PHF20: variants seen among roughly 807,000 people sequenced by gnomAD.
The protein encoded by PHF20 is glioma-expressed antigen 2.
In PHF20, 23 loss-of-function variants were observed where a neutral mutation model predicts 113.5. That is an observed-to-expected ratio of 0.20 (90% CI 0.15 to 0.29). The LOEUF is 0.29. Ranked by LOEUF, PHF20 falls within the 10% of genes least tolerant of loss-of-function variation. The pLI is 1.00. For synonymous variants in PHF20, 434 were observed against 457.3 expected, an observed-to-expected ratio of 0.95 and a Z score of 0.65; for missense variants, 943 against 1,219.6, an observed-to-expected ratio of 0.77 and a Z score of 3.38.
At chr20:35,937,592 A>T (rs1033923786) in intron 15 of PHF20, among the ~76,000 whole-genome samples, 1 of 152,162 alleles carries the variant, frequency 6.6e-6, no homozygotes, top group Non-Finnish European at 1.5e-5. Context: ...TAGATTGTAA[A>T]TGTTTCTTAT....
At chr20:35,897,911 T>G (rs2055019188) in intron 9 of PHF20, among the ~76,000 whole-genome samples, 1 of 151,648 alleles carries the variant, frequency 6.6e-6, no homozygotes, top group African/African-American at 2.4e-5. Flanking sequence ...AGTCTTGCTC[T>G]GTCACCCAGG....
At chr20:35,887,096 G>T (rs2054748260) in intron 9 of PHF20, among the ~76,000 whole-genome samples, 1 of 152,062 alleles carries the variant, frequency 6.6e-6, no homozygotes. Context: ...TATTAAATAG[G>T]ATATTTATTT....
Position 35,950,158 on chromosome 20 carries a change from C to T in PHF20, c.*2531C>T, listed in dbSNP as rs2056155292. 1 of 152,588 alleles carries T rather than the reference C, an allele frequency of 6.6e-6. No individual in the cohort carries two copies. Among genetic ancestry groups the T allele is most frequent in the African/African-American group, 2.4e-5 (1 of 41,432 alleles). The allele number at this position is 152,588 out of a possible 1,614,324, so 9.5% of individuals were successfully genotyped here. A position where few individuals can be genotyped will look rare whatever the true frequency, so the allele number is the denominator to read the frequency against. Reference sequence around the variant, plus strand: ...AAAATTACCTTGACAAAAATAGTTCCGGTTTGACTAATCATTTTGTTTCTT... The same window carrying T: ...AAAATTACCTTGACAAAAATAGTTCTGGTTTGACTAATCATTTTGTTTCTT... On this transcript the variant is annotated 3_prime_UTR_variant, in exon 18 of 18. Transcript: ENST00000374012.
At chr20:35,806,978 G>C (rs896961986) in intron 2 of PHF20, among the ~76,000 whole-genome samples, 2 of 151,698 alleles carry the variant, frequency 1.3e-5, no homozygotes, top group African/African-American at 4.8e-5. Context: ...TGTATTTTTA[G>C]CAGAGACGGA....
chr20:35,918,961 T>C, intron 13 of PHF20, among the ~76,000 whole-genome samples: 1 of 152,198 alleles, frequency 6.6e-6, no homozygotes, highest in East Asian at 1.9e-4. Flanking sequence ...CTTTCTGTGA[T>C]AGAATATTAT....
chr20:35,877,267 G>C (rs1329310201), intron 9 of PHF20, among the ~76,000 whole-genome samples: 5 of 107,222 alleles, frequency 4.7e-5, no homozygotes, highest in Non-Finnish European at 8.5e-5. Flanking sequence ...TCCAGCCTGA[G>C]AGACTCCATC....
chr20:35,815,336 G>C (rs1186523946), intron 2 of PHF20, among the ~76,000 whole-genome samples: 5 of 152,138 alleles, frequency 3.3e-5, no homozygotes, highest in Admixed American at 3.3e-4. Context: ...TGGGCACTTT[G>C]AGAGGCTGAG....
intron 15 of PHF20, among the ~76,000 whole-genome samples, chr20:35,931,645 G>A (rs1438254034): frequency 1.3e-5 from 2 of 151,840 alleles, no homozygotes; most frequent in African/African-American, 4.8e-5. Flanking sequence ...ATATAATTAG[G>A]TTCATCCACT....
chr20:35,838,806 A>G (rs2042488025), intron 2 of PHF20, among the ~76,000 whole-genome samples: 1 of 148,468 alleles, frequency 6.7e-6, no homozygotes, highest in South Asian at 2.1e-4. Flanking sequence ...TGGGCAACAT[A>G]GTGAGACTCC....
At chr20:35,898,126 C>T (rs769409931) in intron 9 of PHF20, among the ~76,000 whole-genome samples, 1 of 151,446 alleles carries the variant, frequency 6.6e-6, no homozygotes, top group African/African-American at 2.4e-5. Flanking sequence ...CCGCCCACCT[C>T]GGCCTCCCAA....
At chr20:35,926,230 A>ATTTTTTTT (rs1186510585) in intron 13 of PHF20, among the ~76,000 whole-genome samples, 2 of 52,968 alleles carry the variant, frequency 3.8e-5, no homozygotes, top group Non-Finnish European at 6.1e-5. Flanking sequence ...ACAGACTTTC[A>ATTTTTTTT]TTTTTTTTTT....
intron 14 of PHF20, 125 bp downstream of exon 14, chr20:35,928,004 T>C: frequency 1.4e-6 from 1 of 713,922 alleles, no homozygotes; most frequent in Non-Finnish European, 2.5e-6. Flanking sequence ...AGACTCCAGC[T>C]CCTCCTCGCC....
At chr20:35,856,033 C>CA (rs1193409628) in intron 4 of PHF20, among the ~76,000 whole-genome samples, 3 of 152,082 alleles carry the variant, frequency 2.0e-5, no homozygotes, top group Non-Finnish European at 4.4e-5. Flanking sequence ...GTTGTGCTAG[C>CA]AAATACTAGA....
At chr20:35,780,830 G>A (rs2041278897) in intron 1 of PHF20, among the ~76,000 whole-genome samples, 1 of 148,596 alleles carries the variant, frequency 6.7e-6, no homozygotes, top group Non-Finnish European at 1.5e-5. Flanking sequence ...TTACAGACAT[G>A]AGCCACTGGT....
intron 1 of PHF20, among the ~76,000 whole-genome samples, chr20:35,777,465 T>TTTACAATTG (rs1479868389): frequency 1.3e-5 from 2 of 152,260 alleles, no homozygotes; most frequent in Non-Finnish European, 2.9e-5. Context: ...GTAAAGGTGC[T>TTTACAATTG]TAAACTTCCT....
intron 1 of PHF20, among the ~76,000 whole-genome samples, chr20:35,780,050 G>T (rs991331476): frequency 6.6e-5 from 10 of 152,078 alleles, no homozygotes; most frequent in Non-Finnish European, 1.3e-4. Flanking sequence ...GCAGGGCCTC[G>T]ATTGGAGTCC....
chr20:35,774,829 G>A (rs923450613), intron 1 of PHF20: 4 of 152,324 alleles, frequency 2.6e-5, no homozygotes, highest in Admixed American at 6.5e-5. Flanking sequence ...GAAGTGCTCT[G>A]AACTCAGTGT....
At chr20:35,855,058 G>T (rs1244767853) in intron 4 of PHF20, among the ~76,000 whole-genome samples, 2 of 152,172 alleles carry the variant, frequency 1.3e-5, no homozygotes, top group African/African-American at 4.8e-5. Context: ...TGATAAAATA[G>T]TTGAAAGTAG....
intron 12 of PHF20, among the ~76,000 whole-genome samples, chr20:35,914,975 A>C (rs889526160): frequency 4.7e-5 from 7 of 149,462 alleles, no homozygotes; most frequent in South Asian, 2.1e-4. Context: ...AAAAAAAAAA[A>C]AAAACAGTAA....
Sources: gnomAD v4.1 joint callset for allele counts (sites outside exome capture counted in the v4.1 genomes callset) on GRCh38, gnomAD v4.1.1 for gene constraint, MANE v1.5 for transcripts, NCBI Gene and HGNC (gene_info 2026-07-23, HGNC 2026-07-21) for gene names.